The following COL6A3 variants were observed in gnomAD, a reference collection of about 807,000 sequenced individuals.
The protein encoded by COL6A3 is collagen type VI alpha 3 chain.
COL6A3 carries 137 observed loss-of-function variants against 274.1 expected under a neutral mutation model. The observed-to-expected ratio is 0.50, with a 90% CI of 0.44 to 0.58. The LOEUF is 0.58. COL6A3 is among the 20% of genes least tolerant of loss of function. The pLI is 0.00. For missense variants in COL6A3, 3,950 were observed against 4,124.9 expected, an observed-to-expected ratio of 0.96 and a Z score of 1.16; for synonymous variants, 1,650 against 1,650.6, an observed-to-expected ratio of 1.00 and a Z score of 0.01.
In COL6A3 at chr2:237,344,695, C is replaced by A. The variant is rs1255913973; in HGVS notation, c.7323G>T (p.Arg2441=). 6.2e-7 allele frequency: 1 copy of A among 1,609,646 alleles called. No individual in the cohort carries two copies. Among genetic ancestry groups the A allele is most frequent in the South Asian group, 1.1e-5 (1 of 90,758 alleles). Residue 2441 remains arginine (R), a synonymous_variant, in exon 36 of 44, where the codon CGG becomes CGT. Transcript: ENST00000295550. This position sits in a 1 kb window ranked among gnomAD's most constrained non-coding sequence, Gnocchi z 4.8. ...DLTIAESNCP[R]GARVAVVTYN... The stretch of plus-strand genomic sequence containing the variant: ...AGGTGACCACAGCCACCCGGGCCCC[C>A]CGTGGGCAGTTGCTCTCAGCAATGG...
intron 9 of COL6A3, among the ~76,000 whole-genome samples, chr2:237,369,814 C>T (rs1285240188): frequency 6.6e-6 from 1 of 151,816 alleles, no homozygotes; most frequent in African/African-American, 2.4e-5. Flanking sequence ...TTATTTTTCA[C>T]TATTATTCCT....
rs1452276990 is a variant in COL6A3 at position 237,345,305 on chromosome 2, A to G, written c.7093-92T>C. ...CCCCCAGAAATACACAGAGCAAGAC[A>G]AAGGGGCCCCTGGATAACCTTGATT... On this transcript the variant is annotated intron_variant, in intron 32 of 43. Coordinates refer to ENST00000295550, the MANE Select transcript of COL6A3 (RefSeq NM_004369.4). 4.7e-6 allele frequency: 6 copies of G among 1,284,340 alleles called. No homozygotes were observed. In the East Asian group the frequency reaches 1.2e-4, roughly 25 times the overall value. 79.6% of individuals were successfully genotyped at this position (1,284,340 alleles called of 1,614,324 possible). A position where few individuals can be genotyped will look rare whatever the true frequency, so the allele number is the denominator to read the frequency against.
Position 237,340,911 on chromosome 2 carries a change from G to A in COL6A3, c.8005C>T (p.His2669Tyr), listed in dbSNP as rs922019493. The change falls in exon 38 of 44, where the codon CAC (histidine) becomes TAC (tyrosine). Residue 2669 changes from histidine (H) to tyrosine (Y), a missense_variant. Coordinates refer to ENST00000295550, the MANE Select transcript of COL6A3 (RefSeq NM_004369.4). Reference sequence around the variant, plus strand: ...TTGTCCACGGACTCAGAGGGCGCGTGCTGCACAACTGCCACTCTGGCGAAG... The same window carrying A: ...TTGTCCACGGACTCAGAGGGCGCGTACTGCACAACTGCCACTCTGGCGAAG... ...QHFARVAVVQ[H>Y]APSESVDNAS... 1 of 1,613,390 alleles carries A rather than the reference G, an allele frequency of 6.2e-7. No individual in the cohort carries two copies. Among genetic ancestry groups the A allele is most frequent in the South Asian group, 1.1e-5 (1 of 91,050 alleles).
At position 237,357,361 on chromosome 2, in the gene COL6A3, C is replaced by T. The variant is rs1194883099; in HGVS notation, c.6568G>A (p.Gly2190Arg). ...ACATTCTTCCCAGTTTCTCCAGGTC[C>T]TCCAGGTACTCCATCTCTCCCTGGG... is the stretch of plus-strand genomic sequence containing the variant. ...GVPGRDGVPG[G>R]PGETGKNGGF... The change falls in exon 23 of 44, where the codon GGA becomes AGA. Residue 2190 changes from glycine to arginine, a missense_variant. By Grantham distance (125) the Gly-to-Arg change is moderately radical (BLOSUM62 -2). This residue lies in a region of COL6A3 where 1,284 missense variants were observed against 1,349.7 expected (regional missense o/e 0.95). Transcript: ENST00000295550. 6.2e-7 allele frequency: 1 copy of T among 1,614,042 alleles called. No homozygotes were observed. Among genetic ancestry groups the T allele is most frequent in the Admixed American group, 1.7e-5 (1 of 60,026 alleles).
At position 237,390,349 on chromosome 2, in the gene COL6A3, G is replaced by A. The variant is rs117412150; in HGVS notation, c.710-2165C>T. ...GTCATAGAAACACGTTGGATAATTT[G>A]TCATCACTGAATAACAACATTATCC... is the stretch of plus-strand genomic sequence containing the variant. On this transcript the variant is annotated intron_variant, in intron 3 of 43. Transcript: ENST00000295550. Among the ~76,000 whole-genome samples the A allele has an allele frequency of 3.8e-4, 58 of 152,272 alleles. 2 individuals carry two copies. In the East Asian group the frequency reaches 6.2e-3, roughly 16 times the overall value.
intron 31 of COL6A3, among the ~76,000 whole-genome samples, chr2:237,347,260 T>A (rs2077116304): frequency 6.6e-6 from 1 of 151,900 alleles, no homozygotes; most frequent in South Asian, 2.1e-4. Flanking sequence ...GATGACAGAC[T>A]GAGACCTTGG....
chr2:237,388,322 G>T, intron 3 of COL6A3, 138 bp from the exon 4 acceptor site: 1 of 1,103,470 alleles, frequency 9.1e-7, no homozygotes, highest in Non-Finnish European at 1.3e-6. Flanking sequence ...GTTGATGAAG[G>T]AATGTGAAAT....
chr2:237,344,862 G>A lies in COL6A3; in HGVS notation c.7175-19C>T, dbSNP rs762182844. 9 of 1,613,742 alleles carry A rather than the reference G, an allele frequency of 5.6e-6. 1 individual carries two copies. The South Asian group carries it at 8.8e-5, about 16-fold the overall frequency. On this transcript the variant is annotated intron_variant, in intron 35 of 43. Coordinates refer to ENST00000295550, the MANE Select transcript of COL6A3 (RefSeq NM_004369.4). The surrounding 1 kb of genome is among the most constrained non-coding windows in gnomAD (Gnocchi z 4.8). ...AGGGGCCCTGTGGAAAGTAGAGGGTGGAGGGTTAAAGACAAACTGTACTTA... is the reference window on the plus strand; with the variant it reads ...AGGGGCCCTGTGGAAAGTAGAGGGTAGAGGGTTAAAGACAAACTGTACTTA...
rs780134165 is a variant in COL6A3 at position 237,340,522 on chromosome 2, C to G, written c.8394G>C (p.Val2798=). Residue 2798 remains valine, a synonymous_variant, in exon 38 of 44, where the codon GTG becomes GTC. Coordinates refer to ENST00000295550, the MANE Select transcript of COL6A3 (RefSeq NM_004369.4). ...CCTCGTTGAGCTCGGTGGACTTGTC[C>G]ACTAATTTGAAGAAGACGTCGTTTG... ...SEPNDVFFKL[V]DKSTELNEEP... is the part of the protein sequence containing the mutation. 1.2e-6 allele frequency: 2 copies of G among 1,614,154 alleles called. No individual in the cohort carries two copies. The highest frequency in any genetic ancestry group is 1.7e-6 in the Non-Finnish European group (2 of 1,180,026).
chr2:237,365,836 G>A lies in COL6A3; in HGVS notation c.5700C>T (p.Ala1900=), dbSNP rs1559234689. ...CTGGCTGGTACTCGTCAAAGTCAAA[G>A]GCCTCCACCGGGCCCGAGGGCGTGT... The part of the protein sequence containing the change: ...VANTPSGPVE[A]FDFDEYQPEM... The change falls in exon 12 of 44, where the codon GCC becomes GCT. Residue 1900 remains alanine (A), a synonymous_variant. Transcript: ENST00000295550. The A allele has an allele frequency of 6.2e-7, 1 of 1,614,200 alleles. No individual in the cohort carries two copies. The highest frequency in any genetic ancestry group is 8.5e-7 in the Non-Finnish European group (1 of 1,180,052).
In COL6A3 at chr2:237,381,238, G is replaced by A. The variant is rs755178814; in HGVS notation, c.1574C>T (p.Thr525Met). 3.3e-5 allele frequency: 53 copies of A among 1,614,134 alleles called. No homozygotes were observed. Among genetic ancestry groups the A allele is most frequent in the African/African-American group, 5.3e-5 (4 of 74,952 alleles). Residue 525 changes from threonine (T) to methionine (M), a missense_variant, in exon 5 of 44, where the codon ACG becomes ATG. Coordinates refer to ENST00000295550, the MANE Select transcript of COL6A3 (RefSeq NM_004369.4). ...ACGAACAAAGTCTAGAGCAGAGCCC[G>A]TGTACAGGGCCGAGCCGTCCAGGGG... ...MKPLDGSALY[T>M]GSALDFVRNN...
intron 4 of COL6A3, among the ~76,000 whole-genome samples, chr2:237,384,252 G>C (rs925344017): frequency 2.0e-5 from 3 of 151,956 alleles, no homozygotes; most frequent in African/African-American, 7.3e-5. Flanking sequence ...GCCACGTCAG[G>C]GATGCATACG....
At chr2:237,348,510 C>T (rs144266531) in intron 29 of COL6A3, 103 bp downstream of exon 29, 7 of 1,397,688 alleles carry the variant, frequency 5.0e-6, no homozygotes, top group African/African-American at 1.4e-5. Flanking sequence ...AATACAAAGA[C>T]AATTTTTAAA....
chr2:237,403,597 G>A (rs1362912212), intron 1 of COL6A3, among the ~76,000 whole-genome samples: 5 of 152,128 alleles, frequency 3.3e-5, no homozygotes, highest in South Asian at 4.1e-4. Context: ...TGGTGATAGC[G>A]GCAGTATTGC....
rs114357878 is a variant in COL6A3 at position 237,366,784 on chromosome 2, G to T, written c.5403C>A (p.Asn1801Lys). The T allele has an allele frequency of 1.9e-6, 3 of 1,614,236 alleles. No individual in the cohort carries two copies. Among genetic ancestry groups the T allele is most frequent in the East Asian group, 2.2e-5 (1 of 44,888 alleles). ...CGCTCAGTTCGGACAGCTCCTGGAC[G>T]TTGCCCACGCGGAACGCTGTGGCGC... ...SNSATAFRVG[N>K]VQELSELSEQ... Residue 1801 changes from asparagine to lysine, a missense_variant, in exon 11 of 44, where the codon AAC (asparagine) becomes AAA (lysine). This residue lies in a region of COL6A3 where 632 missense variants were observed against 623.4 expected (regional missense o/e 1.01). Coordinates refer to ENST00000295550, the MANE Select transcript of COL6A3 (RefSeq NM_004369.4).
intron 31 of COL6A3, among the ~76,000 whole-genome samples, 173 bp from the exon 32 acceptor site, chr2:237,346,738 C>G (rs932375387): frequency 6.6e-6 from 1 of 152,128 alleles, no homozygotes. Context: ...TAGGGACAAG[C>G]AACCTCAACA....
intron 1 of COL6A3, among the ~76,000 whole-genome samples, chr2:237,403,743 C>G (rs768412222): frequency 7.2e-5 from 11 of 152,150 alleles, no homozygotes; most frequent in South Asian, 2.1e-4. Context: ...TTAGCCCGGT[C>G]GCAGCACAGC....
intron 23 of COL6A3, among the ~76,000 whole-genome samples, chr2:237,356,199 A>ACT (rs1157694897): frequency 6.6e-6 from 1 of 152,212 alleles, no homozygotes; most frequent in Non-Finnish European, 1.5e-5. Context: ...CATTTCATGA[A>ACT]ACCAAGTTTT....
intron 1 of COL6A3, among the ~76,000 whole-genome samples, chr2:237,410,674 A>C (rs535305937): frequency 6.6e-6 from 1 of 152,348 alleles, no homozygotes; most frequent in Admixed American, 6.5e-5. Flanking sequence ...ATTTTTCAAA[A>C]TTAACAAAGT....
Sources: gnomAD v4.1 joint callset for allele counts (sites outside exome capture counted in the v4.1 genomes callset) on GRCh38, gnomAD v4.1.1 for gene constraint, gnomAD v4.1.1 regional missense constraint, Gnocchi (gnomAD v3.1) non-coding constraint, MANE v1.5 for transcripts, NCBI Gene and HGNC (gene_info 2026-07-23, HGNC 2026-07-21) for gene names.